Variants in ATP8A1 observed in about 807,000 individuals in gnomAD.
ATP8A1 encodes ATPase phospholipid transporting 8A1.
ATP8A1 carries 90 observed loss-of-function variants against 177.7 expected under a neutral mutation model. The ratio of observed to expected loss-of-function variants is 0.51; its 90% CI spans 0.43 to 0.60. The LOEUF (loss-of-function observed/expected upper bound fraction) is 0.60. Among genes scored for constraint, ATP8A1 ranks in the 20% least tolerant of loss-of-function variants. The pLI is 0.00. For missense variants in ATP8A1, 1,072 were observed against 1,392.8 expected (o/e 0.77, Z 3.67); for synonymous variants, 493 against 485.9 (o/e 1.01, Z -0.19).
At chr4:42,435,461 A>AAAAAAAAAAAAAAAAAAAAAAAAC (rs1553871738) in intron 33 of ATP8A1, among the ~76,000 whole-genome samples, 4 of 122,346 alleles carry the variant, frequency 3.3e-5, no homozygotes, top group Admixed American at 9.0e-5. Context: ...AAAAAAAAAA[A>AAAAAAAAAAAAAAAAAAAAAAAAC]AACAAACTAT....
chr4:42,556,675 G>A (rs1730273588), intron 15 of ATP8A1, among the ~76,000 whole-genome samples: 2 of 152,008 alleles, frequency 1.3e-5, no homozygotes, highest in Admixed American at 1.3e-4. Context: ...CGATATAAAT[G>A]GAGTCAATTA....
At chr4:42,502,501 C>T (rs1027680462) in intron 24 of ATP8A1, among the ~76,000 whole-genome samples, 3 of 152,158 alleles carry the variant, frequency 2.0e-5, no homozygotes, top group Admixed American at 6.5e-5. Flanking sequence ...GGCTACCATA[C>T]GCTACGGAAG....
At chr4:42,602,727 C>G (rs1735417317) in intron 5 of ATP8A1, among the ~76,000 whole-genome samples, 1 of 152,022 alleles carries the variant, frequency 6.6e-6, no homozygotes, top group South Asian at 2.1e-4. Context: ...CAAGATGACG[C>G]CACTGCACTC....
intron 19 of ATP8A1, among the ~76,000 whole-genome samples, chr4:42,544,509 C>G (rs1578137025): frequency 6.6e-6 from 1 of 152,152 alleles, no homozygotes; most frequent in African/African-American, 2.4e-5. Context: ...TGGCATCATG[C>G]TAAAAACTTA....
rs114937362 is a variant in ATP8A1, at chr4:42,573,727, T to C, written c.1295+892A>G. ...ATGTTTACTTATTTATAATTTTAACTAAGGCATTTCAAAATGTAACACTCT... is the reference window on the plus strand; with the variant it reads ...ATGTTTACTTATTTATAATTTTAACCAAGGCATTTCAAAATGTAACACTCT... On this transcript the variant is annotated intron_variant, in intron 14 of 36. Transcript: ENST00000381668. 9.9e-3 allele frequency among the ~76,000 whole-genome samples: 1,513 copies of C among 152,084 alleles called. 26 individuals are homozygous for C. The highest frequency in any genetic ancestry group is 0.034 in the African/African-American group (1,421 of 41,340).
intron 7 of ATP8A1, among the ~76,000 whole-genome samples, chr4:42,589,362 C>T (rs185703367): frequency 6.6e-6 from 1 of 152,256 alleles, no homozygotes; most frequent in African/African-American, 2.4e-5. Flanking sequence ...AAAAAATTTA[C>T]AAATTACAAA....
At chr4:42,443,430 A>G (rs1448999361) in intron 33 of ATP8A1, 135 bp downstream of exon 33, 2 of 538,246 alleles carry the variant, frequency 3.7e-6, no homozygotes, top group Non-Finnish European at 6.7e-6. Flanking sequence ...TGGAATTTAA[A>G]AACAGCTTTT....
chr4:42,478,330 C>T (rs1025344643), intron 25 of ATP8A1, among the ~76,000 whole-genome samples: 5 of 151,908 alleles, frequency 3.3e-5, no homozygotes, highest in African/African-American at 9.7e-5. Context: ...AAGACTGCAC[C>T]ACTGCAGTCC....
chr4:42,455,521 T>C lies in ATP8A1; in HGVS notation c.2694+4A>G. 1 of 1,613,564 alleles carries C rather than the reference T, an allele frequency of 6.2e-7. No homozygotes were observed. The highest frequency in any genetic ancestry group is 8.5e-7 in the Non-Finnish European group (1 of 1,179,694). On this transcript the variant is annotated splice_donor_region_variant and intron_variant, in intron 28 of 36. Transcript: ENST00000381668. ...ACAGGAATTATCAAATGTCCTAAAC[T>C]TACCACGTTATAGAGACCTATACAC...
intron 27 of ATP8A1, among the ~76,000 whole-genome samples, chr4:42,461,573 A>G (rs894204350): frequency 6.6e-6 from 1 of 152,162 alleles, no homozygotes; most frequent in African/African-American, 2.4e-5. Context: ...AGCCATGTGG[A>G]ACTGTAAGTC....
intron 5 of ATP8A1, among the ~76,000 whole-genome samples, chr4:42,605,843 T>C (rs1735745749): frequency 6.6e-6 from 1 of 152,340 alleles, no homozygotes; most frequent in Non-Finnish European, 1.5e-5. Flanking sequence ...AATGTACACA[T>C]CTAAGAAACT....
Position 42,473,664 on chromosome 4 carries a change from G to C in ATP8A1, c.2325-8588C>G, listed in dbSNP as rs570891346. ...AATTAAATTGATAAATTAATTTTTT[G>C]AGATGAGGTCTTGCTCTGTCGCCCA... On this transcript the variant is annotated intron_variant, in intron 25 of 36. Coordinates refer to ENST00000381668, the MANE Select transcript of ATP8A1 (RefSeq NM_006095.2). 2.0e-5 allele frequency among the ~76,000 whole-genome samples: 3 copies of C among 151,854 alleles called. No homozygotes were observed. The South Asian group carries it at 6.2e-4, about 32-fold the overall frequency.
chr4:42,531,423 T>A (rs1391279616), intron 20 of ATP8A1, among the ~76,000 whole-genome samples: 6 of 152,194 alleles, frequency 3.9e-5, no homozygotes, highest in Admixed American at 2.0e-4. Flanking sequence ...AGACTGTAAC[T>A]GTCATGAGTA....
intron 30 of ATP8A1, 93 bp from the exon 31 acceptor site, chr4:42,446,737 A>T: frequency 8.4e-7 from 1 of 1,184,870 alleles, no homozygotes; most frequent in Non-Finnish European, 1.2e-6. Context: ...AAGGAAGGGA[A>T]ATCAAGGGAT....
At chr4:42,592,882 T>C (rs1345539141) in intron 6 of ATP8A1, among the ~76,000 whole-genome samples, 1 of 152,154 alleles carries the variant, frequency 6.6e-6, no homozygotes, top group African/African-American at 2.4e-5. Context: ...TGTATATGTG[T>C]TTCGTAATTG....
At chr4:42,655,100 C>T (rs1344874231) in intron 1 of ATP8A1, among the ~76,000 whole-genome samples, 3 of 152,234 alleles carry the variant, frequency 2.0e-5, no homozygotes, top group East Asian at 3.8e-4. Flanking sequence ...CTGTGCTGGA[C>T]GCACAGGGAA....
At chr4:42,540,823 G>A (rs954333072) in intron 20 of ATP8A1, among the ~76,000 whole-genome samples, 1 of 152,056 alleles carries the variant, frequency 6.6e-6, no homozygotes, top group Non-Finnish European at 1.5e-5. Flanking sequence ...AAGAGGACTG[G>A]GTTAAAGAGT....
At chr4:42,520,619 A>G (rs1726016945) in intron 22 of ATP8A1, among the ~76,000 whole-genome samples, 1 of 152,130 alleles carries the variant, frequency 6.6e-6, no homozygotes, top group Admixed American at 6.5e-5. Context: ...AAGTCAACTG[A>G]TAACAAGTCT....
intron 15 of ATP8A1, among the ~76,000 whole-genome samples, chr4:42,556,501 T>C (rs1730250962): frequency 6.6e-6 from 1 of 152,122 alleles, no homozygotes; most frequent in South Asian, 2.1e-4. Flanking sequence ...TATAAGAACA[T>C]GAATAAACCA....
Sources: gnomAD v4.1 joint callset for allele counts (sites outside exome capture counted in the v4.1 genomes callset) on GRCh38, gnomAD v4.1.1 for gene constraint, MANE v1.5 for transcripts, NCBI Gene and HGNC (gene_info 2026-07-23, HGNC 2026-07-21) for gene names.